Variants in HCRTR2 observed in about 807,000 individuals in gnomAD.
HCRTR2 encodes hypocretin receptor 2.
HCRTR2 carries 22 observed loss-of-function variants against 49.0 expected under a neutral mutation model. That is an observed-to-expected ratio of 0.45 (90% CI 0.32 to 0.64). The LOEUF (loss-of-function observed/expected upper bound fraction) is 0.64, where lower values mean the gene tolerates loss of function less well. Ranked by LOEUF, HCRTR2 falls within the 30% of genes least tolerant of loss-of-function variation. The pLI, the probability that HCRTR2 is intolerant of heterozygous loss-of-function variation, is 0.04. For missense variants in HCRTR2, 491 were observed against 559.4 expected, an observed-to-expected ratio of 0.88 and a Z score of 1.23; for synonymous variants, 236 against 205.3, an observed-to-expected ratio of 1.15 and a Z score of -1.28.
At chr6:55,203,775 C>T (rs528335454) in intron 1 of HCRTR2, among the ~76,000 whole-genome samples, 34 of 151,810 alleles carry the variant, frequency 2.2e-4, no homozygotes, top group African/African-American at 7.2e-4. Context: ...CTTAGGTATA[C>T]GAGTAACAGT....
chr6:55,111,013 A>G (rs959887753), intron 1 of HCRTR2, among the ~76,000 whole-genome samples: 8 of 152,144 alleles, frequency 5.3e-5, no homozygotes, highest in African/African-American at 1.9e-4. Flanking sequence ...AATCGAAATT[A>G]TATCAAGTAC....
chr6:55,263,663 A>G lies in HCRTR2; in HGVS notation c.647-44A>G, dbSNP rs761034127. The G allele has an allele frequency of 4.0e-6, 4 of 1,002,148 alleles. No individual in the cohort carries two copies. In the South Asian group the frequency reaches 5.2e-5, roughly 13 times the overall value. 62.1% of individuals were successfully genotyped at this position (1,002,148 alleles called of 1,614,324 possible). A position where few individuals can be genotyped will look rare whatever the true frequency, so the allele number is the denominator to read the frequency against. On this transcript the variant is annotated intron_variant, in intron 3 of 6. Coordinates refer to ENST00000370862, the MANE Select transcript of HCRTR2 (RefSeq NM_001384272.1). Reference sequence around the variant, plus strand: ...TGACATGTATCTTTTTTAAAAGTCCATCAATTGTAACGTAAGGTTTTGTTG... The same window carrying G: ...TGACATGTATCTTTTTTAAAAGTCCGTCAATTGTAACGTAAGGTTTTGTTG...
intron 2 of HCRTR2, among the ~76,000 whole-genome samples, chr6:55,251,929 T>A (rs1766558293): frequency 6.6e-6 from 1 of 152,048 alleles, no homozygotes; most frequent in African/African-American, 2.4e-5. Flanking sequence ...TGACTTACTA[T>A]TCAACAAACT....
At chr6:55,112,880 A>G (rs765070310) in intron 1 of HCRTR2, among the ~76,000 whole-genome samples, 56 of 152,058 alleles carry the variant, frequency 3.7e-4, no homozygotes, top group Admixed American at 2.1e-3. Context: ...TTCAAACTAT[A>G]CTACAAGGCT....
At chr6:55,240,006 AC>A (rs898428268) in intron 1 of HCRTR2, among the ~76,000 whole-genome samples, 1 of 151,798 alleles carries the variant, frequency 6.6e-6, no homozygotes, top group Non-Finnish European at 1.5e-5. Context: ...TGAACACCTG[AC>A]CGCGGGTGAT....
chr6:55,255,978 T>C lies in HCRTR2; in HGVS notation c.646+599T>C, dbSNP rs554340061. Among the ~76,000 whole-genome samples, 4 of 152,254 alleles carry C rather than the reference T, an allele frequency of 2.6e-5. No homozygotes were observed. In the East Asian group the frequency reaches 5.8e-4, roughly 22 times the overall value. ...TTATATTAATTATGAATCAATCTGG[T>C]TTCCCATCTGACAAGTATGATGTGA... is the stretch of plus-strand genomic sequence containing the variant. On this transcript the variant is annotated intron_variant, in intron 3 of 6. Transcript: ENST00000370862.
intron 1 of HCRTR2, among the ~76,000 whole-genome samples, chr6:55,196,896 C>T (rs12526414): frequency 0.21 from 32,597 of 151,924 alleles, 3,645 homozygotes; most frequent in Admixed American, 0.3. Context: ...GAAGCCTTGA[C>T]TGAATGAGGC....
chr6:55,122,988 G>C (rs1273949674), intron 1 of HCRTR2, among the ~76,000 whole-genome samples: 1 of 136,694 alleles, frequency 7.3e-6, no homozygotes, highest in African/African-American at 2.6e-5. Context: ...GAGGGGGAAG[G>C]GATAGCATTA....
chr6:55,279,520 A>AACACAC (rs34736199), intron 5 of HCRTR2, among the ~76,000 whole-genome samples: 6,561 of 142,710 alleles, frequency 0.046, 202 homozygotes, highest in Middle Eastern at 0.079. Context: ...TTCTTGCTGT[A>AACACAC]ACACACACAC....
intron 1 of HCRTR2, among the ~76,000 whole-genome samples, chr6:55,185,163 G>A (rs1765196170): frequency 6.6e-6 from 1 of 152,074 alleles, no homozygotes. Flanking sequence ...TTATACAAAA[G>A]TTTCCCAATT....
chr6:55,280,954 A>G (rs1394575045), intron 6 of HCRTR2, among the ~76,000 whole-genome samples: 1 of 152,238 alleles, frequency 6.6e-6, no homozygotes, highest in East Asian at 1.9e-4. Context: ...CATAAGTTAA[A>G]TGATACACAC....
intron 1 of HCRTR2, among the ~76,000 whole-genome samples, chr6:55,126,901 C>G (rs752164397): frequency 2.9e-4 from 44 of 152,142 alleles, no homozygotes; most frequent in Admixed American, 5.2e-4. Flanking sequence ...TCAGCAATGG[C>G]AGATACCCCT....
At chr6:55,182,508 TAAC>T (rs1765150232) in intron 1 of HCRTR2, among the ~76,000 whole-genome samples, 1 of 152,174 alleles carries the variant, frequency 6.6e-6, no homozygotes, top group South Asian at 2.1e-4. Context: ...TACGGTCTGT[TAAC>T]AACCTCATGT....
At chr6:55,144,099 C>CTTTTTTTTTTTTT (rs530138605) in intron 1 of HCRTR2, among the ~76,000 whole-genome samples, 1 of 85,360 alleles carries the variant, frequency 1.2e-5, no homozygotes, top group Admixed American at 1.2e-4. Flanking sequence ...CCCGTCCTGC[C>CTTTTTTTTTTTTT]TTTTTTTTTT....
chr6:55,237,860 C>T (rs1319578022), intron 1 of HCRTR2, among the ~76,000 whole-genome samples: 1 of 152,188 alleles, frequency 6.6e-6, no homozygotes, highest in Admixed American at 6.5e-5. Flanking sequence ...ACAATTGGCA[C>T]TTTCTGGATA....
intron 1 of HCRTR2, among the ~76,000 whole-genome samples, chr6:55,222,219 G>A (rs1330219447): frequency 6.6e-6 from 1 of 151,628 alleles, no homozygotes; most frequent in Non-Finnish European, 1.5e-5. Flanking sequence ...AACATCATTA[G>A]TAATTAGGGA....
intron 1 of HCRTR2, among the ~76,000 whole-genome samples, chr6:55,190,985 T>G (rs1436956490): frequency 1.3e-5 from 2 of 152,096 alleles, no homozygotes; most frequent in Admixed American, 6.6e-5. Context: ...TTGACAAAAA[T>G]TCTATTGTAC....
intron 5 of HCRTR2, among the ~76,000 whole-genome samples, chr6:55,278,253 G>A (rs890837648): frequency 2.0e-5 from 3 of 152,220 alleles, no homozygotes; most frequent in African/African-American, 4.8e-5. Flanking sequence ...GACATGAGCA[G>A]CAGATGCAGA....
chr6:55,177,635 C>T (rs541150822), intron 1 of HCRTR2, among the ~76,000 whole-genome samples: 2 of 152,090 alleles, frequency 1.3e-5, no homozygotes, highest in South Asian at 4.1e-4. Flanking sequence ...AAATCTCAAC[C>T]TTTTTGGGCT....
Sources: gnomAD v4.1 joint callset for allele counts (sites outside exome capture counted in the v4.1 genomes callset) on GRCh38, gnomAD v4.1.1 for gene constraint, MANE v1.5 for transcripts, NCBI Gene and HGNC (gene_info 2026-07-23, HGNC 2026-07-21) for gene names.